The following SUPT5H variants were observed in gnomAD, a reference collection of about 807,000 sequenced individuals.
SUPT5H encodes the protein transcription elongation factor SPT5.
A neutral mutation model predicts 142.5 loss-of-function variants in SUPT5H; 24 were observed. The observed-to-expected ratio is 0.17, with a 90% confidence interval of 0.12 to 0.24. The LOEUF is 0.24. Ranked by LOEUF, SUPT5H falls within the 10% of genes least tolerant of loss-of-function variation. The pLI, the probability that SUPT5H is intolerant of heterozygous loss-of-function variation, is 1.00. For synonymous variants in SUPT5H, 546 were observed against 553.0 expected (o/e 0.99, Z 0.18); for missense variants, 893 against 1,471.8 (o/e 0.61, Z 6.43).
Position 39,469,910 on chromosome 19 carries a change from G to T in SUPT5H, c.1375-209G>T. 1.7e-6 allele frequency: 1 copy of T among 604,942 alleles called. No homozygotes were observed. Among genetic ancestry groups the T allele is most frequent in the Non-Finnish European group, 2.8e-6 (1 of 352,436 alleles). The allele number at this position is 604,942 out of a possible 1,614,324, so 37.5% of individuals were successfully genotyped here. Reference sequence around the variant, plus strand: ...GTCTTGAGGGCGGGCTGGGGTAAAGGTTGTCCAGGTTGGTGTCCTGTGTCT... The same window carrying T: ...GTCTTGAGGGCGGGCTGGGGTAAAGTTTGTCCAGGTTGGTGTCCTGTGTCT... On this transcript the variant is annotated intron_variant, in intron 16 of 29. Coordinates refer to ENST00000432763, the MANE Select transcript of SUPT5H (RefSeq NM_001111020.3). This position sits in a 1 kb window ranked among gnomAD's most constrained non-coding sequence, Gnocchi z 5.1.
Position 39,469,500 on chromosome 19 carries a change from G to C in SUPT5H, c.1374+102G>C. On this transcript the variant is annotated intron_variant, in intron 16 of 29. Transcript: ENST00000432763. The surrounding 1 kb of genome is among the most constrained non-coding windows in gnomAD (Gnocchi z 5.1). ...TGTGCCTGGTGACACCTGGTTTCCA[G>C]GAGGGTAAGTTGAGGCCCTTCTAGC... 6.5e-7 allele frequency: 1 copy of C among 1,546,656 alleles called. No individual in the cohort carries two copies. Among genetic ancestry groups the C allele is most frequent in the Middle Eastern group, 1.8e-4 (1 of 5,544 alleles).
At chr19:39,463,733 T>C (rs1371797406) in intron 10 of SUPT5H, among the ~76,000 whole-genome samples, 1 of 152,210 alleles carries the variant, frequency 6.6e-6, no homozygotes, top group Admixed American at 6.5e-5. Flanking sequence ...GCTCTATCCA[T>C]GATTGAAAGC....
chr19:39,473,249 C>T lies in SUPT5H; in HGVS notation c.2305C>T (p.Pro769Ser). 1 of 1,613,658 alleles carries T rather than the reference C, an allele frequency of 6.2e-7. No homozygotes were observed. The highest frequency in any genetic ancestry group is 8.5e-7 in the Non-Finnish European group (1 of 1,179,942). Residue 769 changes from proline to serine, a missense_variant, in exon 24 of 30, where the codon CCC becomes TCC. Transcript: ENST00000432763. This position sits in a 1 kb window ranked among gnomAD's most constrained non-coding sequence, Gnocchi z 5.8. ...CATGACCTCGACCTATGGGAGGACG[C>T]CCATGTATGGCTCCCAGACGCCCAT... ...GGMTSTYGRT[P>S]MYGSQTPMYG...
chr19:39,474,985 G>C lies in SUPT5H; in HGVS notation c.3024+267G>C, dbSNP rs2079381937. 1.8e-6 allele frequency: 1 copy of C among 542,714 alleles called. No homozygotes were observed. The highest frequency in any genetic ancestry group is 3.3e-6 in the Non-Finnish European group (1 of 301,522). The allele number at this position is 542,714 out of a possible 1,614,324, so 33.6% of individuals were successfully genotyped here. The stretch of plus-strand genomic sequence containing the variant: ...GTAAGCTAAGGAAAGTGACTGGGGT[G>C]AGTGAGTTCCAAATGGAGGGAACTG... On this transcript the variant is annotated intron_variant, in intron 28 of 29. Coordinates refer to ENST00000432763, the MANE Select transcript of SUPT5H (RefSeq NM_001111020.3). The surrounding 1 kb of genome is among the most constrained non-coding windows in gnomAD (Gnocchi z 6.5).
chr19:39,447,410 G>T (rs2078967658), intron 2 of SUPT5H, among the ~76,000 whole-genome samples: 1 of 151,850 alleles, frequency 6.6e-6, no homozygotes, highest in African/African-American at 2.4e-5. Flanking sequence ...ACATTTCCTG[G>T]GGCATTTCTG....
intron 2 of SUPT5H, among the ~76,000 whole-genome samples, chr19:39,452,826 C>G (rs561063712): frequency 6.6e-6 from 1 of 151,976 alleles, no homozygotes; most frequent in Non-Finnish European, 1.5e-5. Context: ...GCCTGGCCAA[C>G]ATGGTGAAGC....
At position 39,472,678 on chromosome 19, in the gene SUPT5H, T is replaced by A. The variant is rs2304219; in HGVS notation, c.2036-132T>A. 0.54 allele frequency: 779,504 copies of A among 1,437,586 alleles called. 214,141 individuals carry two copies. The highest frequency in any genetic ancestry group is 0.74 in the African/African-American group (51,991 of 70,272). 89.1% of individuals were successfully genotyped at this position (1,437,586 alleles called of 1,614,324 possible). On this transcript the variant is annotated intron_variant, in intron 21 of 29. Coordinates refer to ENST00000432763, the MANE Select transcript of SUPT5H (RefSeq NM_001111020.3). This position sits in a 1 kb window ranked among gnomAD's most constrained non-coding sequence, Gnocchi z 4.2. Reference sequence around the variant, plus strand: ...GGTCAGGGCTTCCATAGGAAAGCCATGGGGCAGGGGTGGGCAGAGGAGGCT... The same window carrying A: ...GGTCAGGGCTTCCATAGGAAAGCCAAGGGGCAGGGGTGGGCAGAGGAGGCT...
At chr19:39,449,720 C>T (rs1296936486) in intron 2 of SUPT5H, among the ~76,000 whole-genome samples, 1 of 151,684 alleles carries the variant, frequency 6.6e-6, no homozygotes, top group Non-Finnish European at 1.5e-5. Flanking sequence ...CAGCTCACTG[C>T]AGCCTCCACC....
rs2079333774 is a variant in SUPT5H, at chr19:39,472,419, T to C, written c.1961T>C (p.Val654Ala). The change falls in exon 21 of 30, where the codon GTG (valine) becomes GCG (alanine). Residue 654 changes from valine to alanine, a missense_variant. Physicochemically the swap from Val to Ala is moderately conservative, Grantham distance 64. Coordinates refer to ENST00000432763, the MANE Select transcript of SUPT5H (RefSeq NM_001111020.3). The surrounding 1 kb of genome is among the most constrained non-coding windows in gnomAD (Gnocchi z 4.2). ...VLAGGSKPRD[V>A]TNFTVGGFAP... ...TTGCTTCTATCCTAGCCCCGTGATGTGACCAACTTCACCGTGGGTGGCTTT... is the reference window on the plus strand; with the variant it reads ...TTGCTTCTATCCTAGCCCCGTGATGCGACCAACTTCACCGTGGGTGGCTTT... 1 of 1,613,990 alleles carries C rather than the reference T, an allele frequency of 6.2e-7. No homozygotes were observed. The highest frequency in any genetic ancestry group is 8.5e-7 in the Non-Finnish European group (1 of 1,179,976).
At chr19:39,455,921 T>C (rs1600701870) in intron 3 of SUPT5H, among the ~76,000 whole-genome samples, 1 of 122,684 alleles carries the variant, frequency 8.2e-6, no homozygotes, top group East Asian at 2.5e-4. Context: ...GCGCCCCGCC[T>C]CTTCTTTTTT....
Position 39,476,581 on chromosome 19 carries a change from G to A in SUPT5H, c.*182G>A. 2 of 781,516 alleles carry A rather than the reference G, an allele frequency of 2.6e-6. No individual in the cohort carries two copies. Among genetic ancestry groups the A allele is most frequent in the Non-Finnish European group, 4.0e-6 (2 of 504,490 alleles). The allele number at this position is 781,516 out of a possible 1,614,324, so 48.4% of individuals were successfully genotyped here. A position where few individuals can be genotyped will look rare whatever the true frequency, so the allele number is the denominator to read the frequency against. On this transcript the variant is annotated 3_prime_UTR_variant, in exon 30 of 30. Coordinates refer to ENST00000432763, the MANE Select transcript of SUPT5H (RefSeq NM_001111020.3). The stretch of plus-strand genomic sequence containing the variant: ...GCTCATTGGAATCTGAGTAGAGTCT[G>A]GGGGAGGGTCCCCACCTTCCTGTAC...
rs145008654 is a variant in SUPT5H at position 39,469,829 on chromosome 19, G to A, written c.1375-290G>A. ...GGTGGGGCTGAGGAGCTGTCCAGTC[G>A]GGGGTCCTGTGTCTGAGGGGCAGGC... On this transcript the variant is annotated intron_variant, in intron 16 of 29. Transcript: ENST00000432763. This position sits in a 1 kb window ranked among gnomAD's most constrained non-coding sequence, Gnocchi z 5.1. The A allele has an allele frequency of 1.0e-5, 5 of 481,228 alleles. No individual in the cohort carries two copies. Among genetic ancestry groups the A allele is most frequent in the Middle Eastern group, 5.8e-4 (1 of 1,712 alleles). The allele number at this position is 481,228 out of a possible 1,614,324, so 29.8% of individuals were successfully genotyped here.
rs2079230713 is a variant in SUPT5H, at chr19:39,466,075, G to A, written c.877-405G>A. Among the ~76,000 whole-genome samples the A allele has an allele frequency of 6.6e-6, 1 of 152,270 alleles. No individual in the cohort carries two copies. The highest frequency in any genetic ancestry group is 2.4e-5 in the African/African-American group (1 of 41,548). On this transcript the variant is annotated intron_variant, in intron 11 of 29. Transcript: ENST00000432763. This position sits in a 1 kb window ranked among gnomAD's most constrained non-coding sequence, Gnocchi z 4.3. ...GAGACTGCAGTGGAGGAGGGGAAGA[G>A]GTCAGGTATTTTGAAGGCAGAGCTG... is the stretch of plus-strand genomic sequence containing the variant.
chr19:39,466,923 A>G lies in SUPT5H; in HGVS notation c.1037+178A>G, dbSNP rs144798894. 673 of 629,116 alleles carry G rather than the reference A, an allele frequency of 1.1e-3. 1 individual carries two copies. The highest frequency in any genetic ancestry group is 6.2e-3 in the African/African-American group (340 of 54,658). The allele number at this position is 629,116 out of a possible 1,614,324, so 39.0% of individuals were successfully genotyped here. On this transcript the variant is annotated intron_variant, in intron 13 of 29. Transcript: ENST00000432763. The surrounding 1 kb of genome is among the most constrained non-coding windows in gnomAD (Gnocchi z 4.3). ...TCCCTGTGCCTCAGTTTCTTCTGCT[A>G]TAAAGATTGATGAGGCTGGGCGCAG...
chr19:39,450,011 C>T (rs12609112), intron 2 of SUPT5H, among the ~76,000 whole-genome samples: 89,710 of 149,934 alleles, frequency 0.6, 27,624 homozygotes, highest in African/African-American at 0.74. Context: ...GATCTCGACT[C>T]ACTGCAGCCT....
rs2079048089 is a variant in SUPT5H at position 39,453,601 on chromosome 19, C to T, written c.241+80C>T. The T allele has an allele frequency of 9.9e-6, 14 of 1,413,560 alleles. No individual in the cohort carries two copies. The East Asian group carries it at 1.3e-4, about 13-fold the overall frequency. 87.6% of individuals were successfully genotyped at this position (1,413,560 alleles called of 1,614,324 possible). ...TCCATTTCTTTTTCTTTTTTTGAGGCGGAGTCTCGCTCTGTCGCCCAGGCT... is the reference window on the plus strand; with the variant it reads ...TCCATTTCTTTTTCTTTTTTTGAGGTGGAGTCTCGCTCTGTCGCCCAGGCT... On this transcript the variant is annotated intron_variant, in intron 3 of 29. Transcript: ENST00000432763.
chr19:39,456,772 C>T (rs527790578), intron 3 of SUPT5H, among the ~76,000 whole-genome samples: 95 of 152,096 alleles, frequency 6.2e-4, no homozygotes, highest in African/African-American at 1.9e-3. Context: ...TTGCCCAGGC[C>T]GGTTTCAAAC....
intron 2 of SUPT5H, among the ~76,000 whole-genome samples, chr19:39,451,275 G>T (rs1220181064): frequency 7.0e-6 from 1 of 143,596 alleles, no homozygotes; most frequent in African/African-American, 2.6e-5. Flanking sequence ...TGCAACCTGT[G>T]CCTCCCAGGT....
At chr19:39,475,020 A>C in intron 28 of SUPT5H, 1 of 461,944 alleles carries the variant, frequency 2.2e-6, no homozygotes, top group Non-Finnish European at 4.0e-6. Flanking sequence ...GCATGTGCAG[A>C]GGCCTGGAGG....
Sources: gnomAD v4.1 joint callset for allele counts (sites outside exome capture counted in the v4.1 genomes callset) on GRCh38, gnomAD v4.1.1 for gene constraint, Gnocchi (gnomAD v3.1) non-coding constraint, MANE v1.5 for transcripts, NCBI Gene and HGNC (gene_info 2026-07-23, HGNC 2026-07-21) for gene names.